The following KIT variants were observed in gnomAD, a reference collection of about 807,000 sequenced individuals.
KIT encodes the protein mast/stem cell growth factor receptor Kit.
KIT carries 16 observed loss-of-function variants against 105.7 expected under a neutral mutation model. That is an observed-to-expected ratio of 0.15 (90% CI 0.10 to 0.23). The LOEUF is 0.23. Among genes scored for constraint, KIT ranks in the 10% least tolerant of loss-of-function variants. The pLI is 1.00. For missense variants in KIT, 858 were observed against 1,213.8 expected, an observed-to-expected ratio of 0.71 and a Z score of 4.36; for synonymous variants, 438 against 441.1, an observed-to-expected ratio of 0.99 and a Z score of 0.09.
intron 1 of KIT, among the ~76,000 whole-genome samples, chr4:54,673,055 C>T (rs1312490211): frequency 1.3e-5 from 2 of 152,272 alleles, no homozygotes; most frequent in East Asian, 3.9e-4. Flanking sequence ...GTATGTTTGC[C>T]TAGATACCCA....
chr4:54,672,326 C>G (rs1471505547), intron 1 of KIT, among the ~76,000 whole-genome samples: 1 of 151,180 alleles, frequency 6.6e-6, no homozygotes, highest in Non-Finnish European at 1.5e-5. Flanking sequence ...AATGAGGGTA[C>G]TGTGTAAGTG....
chr4:54,738,000 A>G (rs1723024478), intron 20 of KIT, among the ~76,000 whole-genome samples: 1 of 152,178 alleles, frequency 6.6e-6, no homozygotes, highest in Non-Finnish European at 1.5e-5. Flanking sequence ...GTGTCAAAAC[A>G]TGTTTCAAAT....
chr4:54,668,722 T>G (rs930532270), intron 1 of KIT, among the ~76,000 whole-genome samples: 1 of 152,250 alleles, frequency 6.6e-6, no homozygotes, highest in Non-Finnish European at 1.5e-5. Flanking sequence ...CAGGAGACGT[T>G]GGCTGTCTGT....
At chr4:54,660,528 G>A (rs3819392) in intron 1 of KIT, among the ~76,000 whole-genome samples, 43,170 of 151,914 alleles carry the variant, frequency 0.28, 7,279 homozygotes, top group Admixed American at 0.4. Context: ...TGTAAATCAT[G>A]TAATGCTATG....
intron 5 of KIT, among the ~76,000 whole-genome samples, chr4:54,705,187 A>G (rs1403070571): frequency 1.3e-5 from 2 of 152,242 alleles, no homozygotes; most frequent in Non-Finnish European, 2.9e-5. Context: ...TTTTGAGAAC[A>G]TTGTTGTATG....
At chr4:54,711,502 G>A (rs985807598) in intron 7 of KIT, among the ~76,000 whole-genome samples, 11 of 152,180 alleles carry the variant, frequency 7.2e-5, no homozygotes, top group African/African-American at 2.7e-4. Flanking sequence ...TGATCACACA[G>A]TTCTCCCTTT....
chr4:54,732,912 G>A (rs370991276), intron 16 of KIT, among the ~76,000 whole-genome samples, 158 bp from the exon 17 acceptor site: 3 of 152,112 alleles, frequency 2.0e-5, no homozygotes, highest in East Asian at 1.9e-4. Flanking sequence ...CATTCAAGGC[G>A]TACTTTTGAT....
At chr4:54,670,701 C>G (rs1050713358) in intron 1 of KIT, among the ~76,000 whole-genome samples, 1 of 152,136 alleles carries the variant, frequency 6.6e-6, no homozygotes, top group Non-Finnish European at 1.5e-5. Flanking sequence ...GTCATAGAAA[C>G]TAGAACTCCT....
intron 2 of KIT, 27 bp downstream of exon 2, chr4:54,695,808 G>T (rs754146254): frequency 5.9e-5 from 95 of 1,613,674 alleles, no homozygotes; most frequent in Non-Finnish European, 7.7e-5. Flanking sequence ...CTGCAGTGCT[G>T]TGCTTTCAAG....
Position 54,738,561 on chromosome 4 carries a change from G to GA in KIT, c.*6dup, listed in dbSNP as rs1285601240. ...GCTTGTGCACGACGATGTCTGAGCAGAATCAGTGTTTGGGTCACCCCTCCA... is the reference window on the plus strand; with the variant it reads ...GCTTGTGCACGACGATGTCTGAGCAGAAATCAGTGTTTGGGTCACCCCTCCA... On this transcript the variant is annotated 3_prime_UTR_variant, in exon 21 of 21. Coordinates refer to ENST00000288135, the MANE Select transcript of KIT (RefSeq NM_000222.3). The GA allele has an allele frequency of 1.2e-6, 2 of 1,613,868 alleles. No homozygotes were observed. Among genetic ancestry groups the GA allele is most frequent in the Non-Finnish European group, 1.7e-6 (2 of 1,180,002 alleles).
In KIT at chr4:54,698,537, G is replaced by A. The variant is rs140839561; in HGVS notation, c.591G>A (p.Ser197=). 127 of 1,614,008 alleles carry A rather than the reference G, an allele frequency of 7.9e-5. No individual in the cohort carries two copies. In the African/African-American group the frequency reaches 8.4e-4, roughly 11 times the overall value. Residue 197 remains serine, a synonymous_variant, in exon 3 of 21, where the codon TCG becomes TCA. Transcript: ENST00000288135. ...ACCAGGAGGGCAAGTCAGTGCTGTC[G>A]GAAAAATTCATCCTGAAAGTGAGGC... is the stretch of plus-strand genomic sequence containing the variant. ...SVDQEGKSVL[S]EKFILKVRPA...
At chr4:54,672,973 T>C (rs577060786) in intron 1 of KIT, among the ~76,000 whole-genome samples, 1 of 152,344 alleles carries the variant, frequency 6.6e-6, no homozygotes, top group South Asian at 2.1e-4. Flanking sequence ...TATTTTACTG[T>C]ATTGCATTTT....
At chr4:54,663,762 A>G (rs1717473848) in intron 1 of KIT, among the ~76,000 whole-genome samples, 1 of 152,206 alleles carries the variant, frequency 6.6e-6, no homozygotes, top group South Asian at 2.1e-4. Context: ...TGCTTTCACT[A>G]GGAGTTCAAG....
At chr4:54,697,144 A>C (rs1408656934) in intron 2 of KIT, among the ~76,000 whole-genome samples, 2 of 152,202 alleles carry the variant, frequency 1.3e-5, no homozygotes, top group African/African-American at 2.4e-5. Flanking sequence ...GACTCAAGTG[A>C]CCTACAAAGA....
chr4:54,725,970 G>T lies in KIT; in HGVS notation c.1460G>T (p.Gly487Val), dbSNP rs1458834829. Residue 487 changes from glycine (G) to valine (V), a missense_variant, in exon 9 of 21, where the codon GGC becomes GTC. This residue lies in a region of KIT where 401 missense variants were observed against 601.0 expected (regional missense o/e 0.67). Coordinates refer to ENST00000288135, the MANE Select transcript of KIT (RefSeq NM_000222.3). ...GATTCTAGTGCATTCAAGCACAATG[G>T]CACGGTTGAATGTAAGGCTTACAAC... ...SIDSSAFKHNGTVECKAYNDV... is the reference protein window; with the variant it reads ...SIDSSAFKHNVTVECKAYNDV... 6.2e-7 allele frequency: 1 copy of T among 1,613,970 alleles called. No homozygotes were observed. Among genetic ancestry groups the T allele is most frequent in the Non-Finnish European group, 8.5e-7 (1 of 1,179,970 alleles).
rs775372065 is a variant in KIT at position 54,705,396 on chromosome 4, G to C, written c.925+1504G>C. Among the ~76,000 whole-genome samples, 3 of 152,286 alleles carry C rather than the reference G, an allele frequency of 2.0e-5. 1 individual carries two copies. Among genetic ancestry groups the C allele is most frequent in the Admixed American group, 2.0e-4 (3 of 15,306 alleles). On this transcript the variant is annotated intron_variant, in intron 5 of 20. Coordinates refer to ENST00000288135, the MANE Select transcript of KIT (RefSeq NM_000222.3). The stretch of plus-strand genomic sequence containing the variant: ...GGGTTTGGATCCATGATGGAGTGAT[G>C]AAGAGAACAGGGCTTTGGTATCACT...
intron 1 of KIT, among the ~76,000 whole-genome samples, chr4:54,680,435 A>G (rs1046425566): frequency 7.3e-6 from 1 of 136,674 alleles, no homozygotes; most frequent in Non-Finnish European, 1.5e-5. Context: ...CTTGTTGCCC[A>G]GGCTAGAATG....
At chr4:54,709,371 C>A in intron 6 of KIT, 53 bp from the exon 7 acceptor site, 2 of 1,109,450 alleles carry the variant, frequency 1.8e-6, no homozygotes, top group South Asian at 1.2e-5. Context: ...AAAAGACATG[C>A]CTTCCAAGGC....
intron 7 of KIT, among the ~76,000 whole-genome samples, chr4:54,717,196 A>G (rs1281197149): frequency 6.6e-6 from 1 of 152,224 alleles, no homozygotes; most frequent in African/African-American, 2.4e-5. Flanking sequence ...TGGAAAAAAA[A>G]AGATATAATG....
Sources: gnomAD v4.1 joint callset for allele counts (sites outside exome capture counted in the v4.1 genomes callset) on GRCh38, gnomAD v4.1.1 for gene constraint, gnomAD v4.1.1 regional missense constraint, MANE v1.5 for transcripts, NCBI Gene and HGNC (gene_info 2026-07-23, HGNC 2026-07-21) for gene names.